The following RNGTT variants were observed in gnomAD, a reference collection of about 807,000 sequenced individuals.
RNGTT encodes the protein mRNA-capping enzyme.
A neutral mutation model predicts 79.3 loss-of-function variants in RNGTT; 33 were observed. The ratio of observed to expected loss-of-function variants is 0.42; its 90% CI spans 0.32 to 0.56. The LOEUF (loss-of-function observed/expected upper bound fraction) is 0.56, where lower values mean the gene tolerates loss of function less well. RNGTT is among the 20% of genes least tolerant of loss of function. The pLI is 0.17. For missense variants in RNGTT, 497 were observed against 739.1 expected, an observed-to-expected ratio of 0.67 and a Z score of 3.80; for synonymous variants, 222 against 235.9, an observed-to-expected ratio of 0.94 and a Z score of 0.54.
chr6:88,921,055 C>A (rs528336464), intron 4 of RNGTT, among the ~76,000 whole-genome samples: 1 of 152,216 alleles, frequency 6.6e-6, no homozygotes, highest in East Asian at 1.9e-4. Context: ...GCTGATAACA[C>A]CTTTCTAAAT....
intron 12 of RNGTT, among the ~76,000 whole-genome samples, chr6:88,789,566 G>A (rs1562253867): frequency 6.6e-6 from 1 of 152,118 alleles, no homozygotes; most frequent in East Asian, 1.9e-4. Flanking sequence ...TCTCAAATAT[G>A]TAGATATCTA....
intron 12 of RNGTT, among the ~76,000 whole-genome samples, chr6:88,798,464 C>CAA (rs202114661): frequency 7.9e-6 from 1 of 126,370 alleles, no homozygotes; most frequent in African/African-American, 3.0e-5. Context: ...GACCCTGTCT[C>CAA]AAAAAAAAAA....
intron 14 of RNGTT, among the ~76,000 whole-genome samples, chr6:88,615,576 C>G (rs180757160): frequency 1.3e-5 from 2 of 152,096 alleles, no homozygotes; most frequent in Non-Finnish European, 2.9e-5. Context: ...AATTCTCTTG[C>G]CTTGCTTTCT....
At chr6:88,679,634 C>A (rs193192063) in intron 13 of RNGTT, among the ~76,000 whole-genome samples, 94 of 152,286 alleles carry the variant, frequency 6.2e-4, no homozygotes, top group African/African-American at 2.1e-3. Flanking sequence ...CTTATTCCCA[C>A]AGTTCTAATA....
At chr6:88,915,855 T>G (rs1246661691) in intron 4 of RNGTT, among the ~76,000 whole-genome samples, 1 of 152,184 alleles carries the variant, frequency 6.6e-6, no homozygotes, top group Non-Finnish European at 1.5e-5. Context: ...CTGGAATATA[T>G]AAAGAACTAT....
intron 14 of RNGTT, among the ~76,000 whole-genome samples, chr6:88,665,529 C>G (rs1045513570): frequency 5.9e-5 from 9 of 152,176 alleles, no homozygotes; most frequent in African/African-American, 1.9e-4. Context: ...AGTACCTAAC[C>G]CGTACACATT....
intron 11 of RNGTT, among the ~76,000 whole-genome samples, chr6:88,826,955 G>C (rs1334215090): frequency 6.6e-6 from 1 of 151,060 alleles, no homozygotes; most frequent in African/African-American, 2.4e-5. Flanking sequence ...AAGCTTCTAT[G>C]CAAGTGGAAA....
At chr6:88,836,063 T>C (rs1020016476) in intron 11 of RNGTT, among the ~76,000 whole-genome samples, 1 of 145,622 alleles carries the variant, frequency 6.9e-6, no homozygotes, top group East Asian at 2.0e-4. Context: ...ATATATAAGA[T>C]TTACATGTAT....
intron 13 of RNGTT, among the ~76,000 whole-genome samples, chr6:88,754,151 T>C (rs1004132415): frequency 2.0e-5 from 3 of 152,166 alleles, no homozygotes; most frequent in African/African-American, 7.2e-5. Flanking sequence ...CTTCTCCTCA[T>C]ACCCAACTCC....
At chr6:88,951,858 T>A (rs1785260049) in intron 1 of RNGTT, among the ~76,000 whole-genome samples, 1 of 151,906 alleles carries the variant, frequency 6.6e-6, no homozygotes. Flanking sequence ...GGGAGGGTCA[T>A]GGGGGGAAAA....
chr6:88,658,305 C>T (rs1367964296), intron 14 of RNGTT, among the ~76,000 whole-genome samples: 3 of 152,220 alleles, frequency 2.0e-5, no homozygotes, highest in Admixed American at 2.0e-4. Flanking sequence ...AACCAGCACA[C>T]TAAACAAAAC....
chr6:88,759,847 G>A (rs1040426529), intron 13 of RNGTT, among the ~76,000 whole-genome samples: 2 of 147,516 alleles, frequency 1.4e-5, no homozygotes, highest in Non-Finnish European at 3.0e-5. Context: ...ATGTTCCTAA[G>A]TTACTTCATT....
intron 2 of RNGTT, among the ~76,000 whole-genome samples, chr6:88,931,187 TAAAAA>T (rs34070183): frequency 3.9e-5 from 4 of 101,938 alleles, no homozygotes; most frequent in Non-Finnish European, 5.7e-5. Context: ...TATAAAGCTG[TAAAAA>T]AAAAAAAAAA....
intron 13 of RNGTT, among the ~76,000 whole-genome samples, chr6:88,757,445 A>G (rs1778058682): frequency 6.6e-6 from 1 of 152,254 alleles, no homozygotes; most frequent in African/African-American, 2.4e-5. Flanking sequence ...AAATATGCAA[A>G]GCAAACTTAA....
chr6:88,903,632 A>C (rs2127941948), intron 6 of RNGTT, among the ~76,000 whole-genome samples: 1 of 152,362 alleles, frequency 6.6e-6, no homozygotes, highest in East Asian at 1.9e-4. Flanking sequence ...TTGTTTTACA[A>C]ACAAAAAAAA....
chr6:88,668,457 T>C (rs1365421913), intron 14 of RNGTT, among the ~76,000 whole-genome samples: 1 of 152,212 alleles, frequency 6.6e-6, no homozygotes, highest in African/African-American at 2.4e-5. Flanking sequence ...TTGGACTTGT[T>C]CAATAAGAAC....
intron 13 of RNGTT, among the ~76,000 whole-genome samples, chr6:88,753,523 A>G (rs557687716): frequency 4.6e-5 from 7 of 152,082 alleles, no homozygotes; most frequent in African/African-American, 1.7e-4. Context: ...AAAAAATTAT[A>G]TAAAACTACT....
intron 14 of RNGTT, among the ~76,000 whole-genome samples, chr6:88,643,908 C>T (rs1391747615): frequency 6.6e-6 from 1 of 152,104 alleles, no homozygotes; most frequent in Non-Finnish European, 1.5e-5. Flanking sequence ...CAGGAAAGAT[C>T]TAAAATTGAC....
At chr6:88,836,027 T>A (rs879679843) in intron 11 of RNGTT, among the ~76,000 whole-genome samples, 1 of 117,358 alleles carries the variant, frequency 8.5e-6, no homozygotes, top group Non-Finnish European at 1.9e-5. Flanking sequence ...CACACACATA[T>A]ATATATAAGA....
Sources: gnomAD v4.1 joint callset for allele counts (sites outside exome capture counted in the v4.1 genomes callset) on GRCh38, gnomAD v4.1.1 for gene constraint, MANE v1.5 for transcripts, NCBI Gene and HGNC (gene_info 2026-07-23, HGNC 2026-07-21) for gene names.